Variants in AK2 observed in about 807,000 individuals in gnomAD.
AK2 encodes the protein adenylate kinase 2, also known as adenylate kinase 2, mitochondrial.
Under a neutral mutation model 24.6 loss-of-function variants are expected in AK2, and 15 were observed. The observed-to-expected ratio is 0.61, with a 90% CI of 0.41 to 0.94. AK2 has a LOEUF of 0.94. Among genes scored for constraint, AK2 ranks in the 40% least tolerant of loss-of-function variants. The pLI, the probability that AK2 is intolerant of heterozygous loss-of-function variation, is 0.00. For missense variants in AK2, 257 were observed against 304.1 expected (o/e 0.85, Z 1.15); for synonymous variants, 102 against 114.0 (o/e 0.90, Z 0.67).
chr1:33,019,954 A>G (rs2124318779), intron 4 of AK2: 2 of 1,420,586 alleles, frequency 1.4e-6, no homozygotes, highest in Middle Eastern at 3.7e-4. Context: ...GACACCATTA[A>G]AATGACAAAG....
chr1:33,009,225 T>A lies in AK2; in HGVS notation c.*3956A>T, dbSNP rs774553995. The A allele has an allele frequency of 1.1e-5, 5 of 453,864 alleles. No homozygotes were observed. Among genetic ancestry groups the A allele is most frequent in the South Asian group, 7.8e-5 (5 of 64,464 alleles). 28.1% of individuals were successfully genotyped at this position (453,864 alleles called of 1,614,324 possible). On this transcript the variant is annotated 3_prime_UTR_variant, in exon 6 of 6. Coordinates refer to ENST00000672715, the MANE Select transcript of AK2 (RefSeq NM_001625.4). Reference sequence around the variant, plus strand: ...CTCCCTCTTGTTTTGGGAACAACAGTCATTTCTCAGAAACCTCACTTGCAA... The same window carrying A: ...CTCCCTCTTGTTTTGGGAACAACAGACATTTCTCAGAAACCTCACTTGCAA...
chr1:33,012,855 G>T lies in AK2; in HGVS notation c.*326C>A. 1 of 1,298,128 alleles carries T rather than the reference G, an allele frequency of 7.7e-7. No individual in the cohort carries two copies. The highest frequency in any genetic ancestry group is 1.0e-6 in the Non-Finnish European group (1 of 992,960). The allele number at this position is 1,298,128 out of a possible 1,614,324, so 80.4% of individuals were successfully genotyped here. On this transcript the variant is annotated 3_prime_UTR_variant, in exon 6 of 6. Transcript: ENST00000672715. ...AGAGGTTGCCGTGAGCCAAGATCAC[G>T]CCACTGCACTCCAGCCAGGGTGGCA...
At chr1:33,018,994 C>T (rs1639365136) in intron 4 of AK2, among the ~76,000 whole-genome samples, 1 of 152,226 alleles carries the variant, frequency 6.6e-6, no homozygotes, top group South Asian at 2.1e-4. Flanking sequence ...AACAGCATTC[C>T]TTCTACCTTC....
intron 1 of AK2, chr1:33,029,448 C>CT (rs1194997533): frequency 4.2e-5 from 6 of 141,698 alleles, no homozygotes; most frequent in African/African-American, 1.6e-4. Context: ...GGGTCTCACT[C>CT]TATTGCCCAG....
Position 33,012,355 on chromosome 1 carries a change from A to G in AK2, c.*826T>C, listed in dbSNP as rs920307958. On this transcript the variant is annotated 3_prime_UTR_variant, in exon 6 of 6. Transcript: ENST00000672715. ...TTTTCCTTCCACCTAGGGGGAAAAA[A>G]TTAATGATCCCTGTTCACACACTGA... 9 of 1,528,080 alleles carry G rather than the reference A, an allele frequency of 5.9e-6. No individual in the cohort carries two copies. In the African/African-American group the frequency reaches 1.1e-4, roughly 19 times the overall value. 94.7% of individuals were successfully genotyped at this position (1,528,080 alleles called of 1,614,324 possible).
At position 33,010,362 on chromosome 1, in the gene AK2, C is replaced by T; in HGVS notation, c.*2819G>A. 1 of 466,610 alleles carries T rather than the reference C, an allele frequency of 2.1e-6. No homozygotes were observed. The highest frequency in any genetic ancestry group is 4.2e-6 in the Non-Finnish European group (1 of 235,676). The allele number at this position is 466,610 out of a possible 1,614,324, so 28.9% of individuals were successfully genotyped here. ...ATGTGGAGATGGTTTTTTGATCTTACAGTGTGTGGAACCGGAGTCAGTAAT... is the reference window on the plus strand; with the variant it reads ...ATGTGGAGATGGTTTTTTGATCTTATAGTGTGTGGAACCGGAGTCAGTAAT... On this transcript the variant is annotated 3_prime_UTR_variant, in exon 6 of 6. Transcript: ENST00000672715.
intron 1 of AK2, among the ~76,000 whole-genome samples, chr1:33,030,034 C>T (rs1270552135): frequency 6.6e-6 from 1 of 152,158 alleles, no homozygotes; most frequent in African/African-American, 2.4e-5. Flanking sequence ...ACTCAGCTGC[C>T]CTCCACAATC....
In AK2 at chr1:33,011,220, T is replaced by C; in HGVS notation, c.*1961A>G. The C allele has an allele frequency of 7.6e-7, 1 of 1,308,894 alleles. No individual in the cohort carries two copies. The allele number at this position is 1,308,894 out of a possible 1,614,324, so 81.1% of individuals were successfully genotyped here. On this transcript the variant is annotated 3_prime_UTR_variant, in exon 6 of 6. Transcript: ENST00000672715. ...GCCAAGTGCTTACAATTGTCCCTAG[T>C]TAAAGGGGAGCTGATTCTAAGATTC...
chr1:33,009,534 C>T lies in AK2; in HGVS notation c.*3647G>A. 1 of 454,102 alleles carries T rather than the reference C, an allele frequency of 2.2e-6. No individual in the cohort carries two copies. Among genetic ancestry groups the T allele is most frequent in the Non-Finnish European group, 4.4e-6 (1 of 226,778 alleles). The allele number at this position is 454,102 out of a possible 1,614,324, so 28.1% of individuals were successfully genotyped here. ...ACATTTATCCAATGTCTGTTGCATG[C>T]CAGGTACTGAGCAAAAACCTTCTTC... On this transcript the variant is annotated 3_prime_UTR_variant, in exon 6 of 6. Coordinates refer to ENST00000672715, the MANE Select transcript of AK2 (RefSeq NM_001625.4).
intron 4 of AK2, among the ~76,000 whole-genome samples, chr1:33,017,465 A>C (rs1569610851): frequency 6.6e-6 from 1 of 152,322 alleles, no homozygotes; most frequent in South Asian, 2.1e-4. Flanking sequence ...GGGGCATGAG[A>C]TACGGACCAG....
intron 5 of AK2, among the ~76,000 whole-genome samples, chr1:33,013,909 T>C (rs1369858686): frequency 1.3e-5 from 2 of 152,158 alleles, no homozygotes; most frequent in East Asian, 3.8e-4. Context: ...CTTTGCAAAA[T>C]GTGACTAAGT....
chr1:33,015,462 G>C (rs1639123689), intron 4 of AK2, among the ~76,000 whole-genome samples: 1 of 152,224 alleles, frequency 6.6e-6, no homozygotes, highest in South Asian at 2.1e-4. Flanking sequence ...TCAGCAGCCA[G>C]GCCTTGCTTC....
At chr1:33,024,293 C>A in intron 2 of AK2, 149 bp downstream of exon 2, 1 of 1,110,446 alleles carries the variant, frequency 9.0e-7, no homozygotes, top group Non-Finnish European at 1.3e-6. Flanking sequence ...CTGGTAAATA[C>A]TTGAAATATG....
At chr1:33,026,069 C>G (rs1639859394) in intron 1 of AK2, among the ~76,000 whole-genome samples, 2 of 152,200 alleles carry the variant, frequency 1.3e-5, no homozygotes, top group African/African-American at 4.8e-5. Context: ...AAAAAGAATG[C>G]AGAATTTACA....
chr1:33,010,581 C>A lies in AK2; in HGVS notation c.*2600G>T. ...AATATTGTGTCTATTTCTACCCCCACCCTCCAAGCATGGTGTTTTTTAAAA... is the reference window on the plus strand; with the variant it reads ...AATATTGTGTCTATTTCTACCCCCAACCTCCAAGCATGGTGTTTTTTAAAA... On this transcript the variant is annotated 3_prime_UTR_variant, in exon 6 of 6. Transcript: ENST00000672715. 1.1e-6 allele frequency: 1 copy of A among 937,158 alleles called. No homozygotes were observed. Among genetic ancestry groups the A allele is most frequent in the Non-Finnish European group, 1.7e-6 (1 of 601,812 alleles). 58.1% of individuals were successfully genotyped at this position (937,158 alleles called of 1,614,324 possible).
At chr1:33,036,246 G>GTTGGAGATGCTT (rs1553154242) in intron 1 of AK2, among the ~76,000 whole-genome samples, 1 of 152,050 alleles carries the variant, frequency 6.6e-6, no homozygotes, top group Non-Finnish European at 1.5e-5. Context: ...CTCTCACTCT[G>GTTGGAGATGCTT]CCCCACGTGT....
chr1:33,023,768 T>C (rs1186785317), intron 2 of AK2, among the ~76,000 whole-genome samples: 2 of 152,240 alleles, frequency 1.3e-5, no homozygotes, highest in Non-Finnish European at 2.9e-5. Flanking sequence ...GTTTCATTTC[T>C]GGCTCTAAAA....
Position 33,021,813 on chromosome 1 carries a change from G to A in AK2, c.220-110C>T, listed in dbSNP as rs1639578326. On this transcript the variant is annotated intron_variant, in intron 2 of 5. Transcript: ENST00000672715. ...GTGTATATAACCTTATTACTAAACA[G>A]CAAGTTTTCTTGGACCCAAAGAAGC... is the stretch of plus-strand genomic sequence containing the variant. 6 of 823,160 alleles carry A rather than the reference G, an allele frequency of 7.3e-6. No individual in the cohort carries two copies. The Admixed American group carries it at 8.4e-5, about 11-fold the overall frequency. 51.0% of individuals were successfully genotyped at this position (823,160 alleles called of 1,614,324 possible).
Position 33,012,347 on chromosome 1 carries a change from G to T in AK2, c.*834C>A, listed in dbSNP as rs1032166754. On this transcript the variant is annotated 3_prime_UTR_variant, in exon 6 of 6. Transcript: ENST00000672715. ...AAGTGCCTTTTTCCTTCCACCTAGG[G>T]GGAAAAAATTAATGATCCCTGTTCA... The T allele has an allele frequency of 2.6e-6, 4 of 1,529,030 alleles. No individual in the cohort carries two copies. In the African/African-American group the frequency reaches 5.5e-5, roughly 21 times the overall value. 94.7% of individuals were successfully genotyped at this position (1,529,030 alleles called of 1,614,324 possible).
Sources: allele counts gnomAD v4.1 joint callset (sites outside exome capture counted in the v4.1 genomes callset), GRCh38; gene constraint gnomAD v4.1.1; transcripts MANE v1.5; gene names NCBI Gene and HGNC (gene_info 2026-07-23, HGNC 2026-07-21).